The following EVC2 variants were observed in gnomAD, a reference collection of about 807,000 sequenced individuals.
EVC2 encodes limbin.
In EVC2, 148 loss-of-function variants were observed where a neutral mutation model predicts 149.3. That is an observed-to-expected ratio of 0.99 (90% CI 0.87 to 1.14). The LOEUF is 1.14. EVC2 is among the 50% of genes most tolerant of loss of function. The pLI is 0.00. For synonymous variants in EVC2, 776 were observed against 649.9 expected (o/e 1.19, Z -2.95); for missense variants, 1,854 against 1,627.3 (o/e 1.14, Z -2.40).
rs1277622681 is a variant in EVC2, at chr4:5,681,275, T to C, written c.855A>G (p.Ala285=). 3 of 1,614,114 alleles carry C rather than the reference T, an allele frequency of 1.9e-6. No homozygotes were observed. The African/African-American group carries it at 4.0e-5, about 22-fold the overall frequency. Residue 285 remains alanine, a synonymous_variant, in exon 7 of 22, where the codon GCA becomes GCG. Coordinates refer to ENST00000344408, the MANE Select transcript of EVC2 (RefSeq NM_147127.5). ...TGTCTCTTACCGTTACGTTTTCTTC[T>C]GCTGTTATGGAAAAAAGCACTTTCA... is the stretch of plus-strand genomic sequence containing the variant. ...TQLKVLFSIT[A]EENVTVLPHH...
chr4:5,556,207 A>T (rs13115389), intron 21 of EVC2, among the ~76,000 whole-genome samples: 2 of 139,070 alleles, frequency 1.4e-5, no homozygotes, highest in Non-Finnish European at 1.6e-5. Context: ...AAAAAAAAAA[A>T]GACAAACTTA....
chr4:5,646,207 A>G (rs1717698896), intron 9 of EVC2, among the ~76,000 whole-genome samples: 1 of 152,218 alleles, frequency 6.6e-6, no homozygotes, highest in African/African-American at 2.4e-5. Context: ...CTGGGATTAC[A>G]GGCATAAGCC....
chr4:5,552,653 A>G lies in EVC2; in HGVS notation c.3420-9441T>C, dbSNP rs1016036044. Among the ~76,000 whole-genome samples, 9 of 152,208 alleles carry G rather than the reference A, an allele frequency of 5.9e-5. 1 individual carries two copies. Among genetic ancestry groups the G allele is most frequent in the Admixed American group, 5.9e-4 (9 of 15,280 alleles). On this transcript the variant is annotated intron_variant and NMD_transcript_variant, in intron 21 of 22. Transcript: ENST00000475313. ...CAGGACCATGAATAAATGAAGCACAACCACAGTTGCCTTTGATTGGTGCCT... is the reference window on the plus strand; with the variant it reads ...CAGGACCATGAATAAATGAAGCACAGCCACAGTTGCCTTTGATTGGTGCCT...
intron 17 of EVC2, among the ~76,000 whole-genome samples, chr4:5,583,043 G>T (rs1711943538): frequency 6.6e-6 from 1 of 152,098 alleles, no homozygotes; most frequent in Admixed American, 6.5e-5. Flanking sequence ...AAATTACCCA[G>T]TCTCAGGGTA....
rs1159160427 is a variant in EVC2 at position 5,637,118 on chromosome 4, G to A, written c.1470+3396C>T. On this transcript the variant is annotated intron_variant, in intron 10 of 21. Transcript: ENST00000344408. This position sits in a 1 kb window ranked among gnomAD's most constrained non-coding sequence, Gnocchi z 4.4. ...AGCAGGGTCAGGAAGCCCTGAGGAGGAGAGGGACTGCGTGACAGATGGGAG... is the reference window on the plus strand; with the variant it reads ...AGCAGGGTCAGGAAGCCCTGAGGAGAAGAGGGACTGCGTGACAGATGGGAG... 6.6e-6 allele frequency among the ~76,000 whole-genome samples: 1 copy of A among 152,158 alleles called. No individual in the cohort carries two copies. Among genetic ancestry groups the A allele is most frequent in the Non-Finnish European group, 1.5e-5 (1 of 68,034 alleles).
chr4:5,617,249 T>C (rs1207990331), intron 15 of EVC2, among the ~76,000 whole-genome samples: 1 of 152,172 alleles, frequency 6.6e-6, no homozygotes, highest in Non-Finnish European at 1.5e-5. Flanking sequence ...CCAGCCCAGT[T>C]CTCTACCTCC....
the EVC2 span, among the ~76,000 whole-genome samples, chr4:5,532,993 CTCAT>C: frequency 1.5e-4 from 23 of 151,114 alleles, no homozygotes; most frequent in Admixed American, 1.5e-3. Context: ...ACCTTATTCA[CTCAT>C]TCATTCAGCA....
chr4:5,583,058 T>C (rs1205799753), intron 17 of EVC2, among the ~76,000 whole-genome samples: 2 of 152,180 alleles, frequency 1.3e-5, no homozygotes, highest in Non-Finnish European at 2.9e-5. Context: ...AGGGTATTTC[T>C]TATAGCAATG....
exon 22 of EVC2, chr4:5,543,123 G>T: frequency 7.0e-6 from 9 of 1,289,536 alleles, no homozygotes; most frequent in Non-Finnish European, 9.1e-6. Flanking sequence ...AAACTTGCAG[G>T]TAAGTTCTCA....
At chr4:5,551,032 C>T (rs1020663650) in intron 21 of EVC2, among the ~76,000 whole-genome samples, 1 of 152,208 alleles carries the variant, frequency 6.6e-6, no homozygotes, top group African/African-American at 2.4e-5. Flanking sequence ...GATGTCCAGG[C>T]AGAGGTGTGC....
At position 5,618,725 on chromosome 4, in the gene EVC2, C is replaced by G. The variant is rs1349841214; in HGVS notation, c.2502-43G>C. ...GACACACTCTTAACACAGAGAAAGC[C>G]TGGGGGCTGGGCTGGGGTGAAGAAG... On this transcript the variant is annotated intron_variant, in intron 14 of 21. Transcript: ENST00000344408. This position sits in a 1 kb window ranked among gnomAD's most constrained non-coding sequence, Gnocchi z 4.4. 9 of 1,546,272 alleles carry G rather than the reference C, an allele frequency of 5.8e-6. No individual in the cohort carries two copies. The highest frequency in any genetic ancestry group is 7.0e-6 in the Non-Finnish European group (8 of 1,140,956).
intron 9 of EVC2, among the ~76,000 whole-genome samples, chr4:5,650,483 T>C (rs1718024544): frequency 6.6e-6 from 1 of 151,730 alleles, no homozygotes; most frequent in Non-Finnish European, 1.5e-5. Flanking sequence ...AGATGGTTTA[T>C]TCGTATCTCT....
At chr4:5,708,691 G>C (rs1577285478), upstream of EVC2, 7 of 483,308 alleles carry the variant, frequency 1.4e-5, no homozygotes, top group South Asian at 2.2e-4. Flanking sequence ...GGGCGTGGGA[G>C]GGGGAGAGCG....
At chr4:5,704,881 A>ATATG (rs1241279362) in intron 1 of EVC2, among the ~76,000 whole-genome samples, 1 of 151,696 alleles carries the variant, frequency 6.6e-6, no homozygotes, top group Non-Finnish European at 1.5e-5. Flanking sequence ...ATATATATAT[A>ATATG]TATGTTTTGT....
chr4:5,669,895 G>C (rs1400020946), intron 7 of EVC2, among the ~76,000 whole-genome samples: 1 of 152,204 alleles, frequency 6.6e-6, no homozygotes, highest in Admixed American at 6.5e-5. Flanking sequence ...ACCAGGGCCA[G>C]TTCTGCAGAT....
chr4:5,680,333 G>A (rs1029773323), intron 7 of EVC2, among the ~76,000 whole-genome samples: 4 of 152,196 alleles, frequency 2.6e-5, no homozygotes, highest in African/African-American at 9.6e-5. Flanking sequence ...GACTTGTTAT[G>A]ATTGGCAGCA....
intron 6 of EVC2, among the ~76,000 whole-genome samples, chr4:5,684,910 A>C (rs1720589461): frequency 6.6e-6 from 1 of 152,170 alleles, no homozygotes; most frequent in African/African-American, 2.4e-5. Flanking sequence ...GCAGCCTCCA[A>C]AAGCCAAGAA....
At chr4:5,578,441 T>G (rs113470086) in intron 17 of EVC2, among the ~76,000 whole-genome samples, 14 of 152,318 alleles carry the variant, frequency 9.2e-5, no homozygotes, top group Admixed American at 2.0e-4. Context: ...TTTCATCATC[T>G]AATTTTATGT....
At chr4:5,620,016 C>T (rs1182492790) in intron 14 of EVC2, among the ~76,000 whole-genome samples, 1 of 152,186 alleles carries the variant, frequency 6.6e-6, no homozygotes, top group Non-Finnish European at 1.5e-5. Context: ...GAATGTGGGG[C>T]TGTGGATCTG....
Sources: gnomAD v4.1 joint callset for allele counts (sites outside exome capture counted in the v4.1 genomes callset) on GRCh38, gnomAD v4.1.1 for gene constraint, Gnocchi (gnomAD v3.1) non-coding constraint, MANE v1.5 for transcripts, NCBI Gene and HGNC (gene_info 2026-07-23, HGNC 2026-07-21) for gene names.